The following MARK2 variants were observed in gnomAD, a reference collection of about 807,000 sequenced individuals.
MARK2 encodes the protein microtubule affinity regulating kinase 2, also known as serine/threonine-protein kinase MARK2.
A neutral mutation model predicts 89.8 loss-of-function variants in MARK2; 16 were observed. That is an observed-to-expected ratio of 0.18 (90% CI 0.12 to 0.27). MARK2 has a LOEUF of 0.27. MARK2 is among the 10% of genes least tolerant of loss of function. The probability of loss-of-function intolerance (pLI) is 1.00; values close to 1 mark genes in which losing one functional copy is unlikely to be tolerated. For synonymous variants in MARK2, 382 were observed against 399.5 expected, an observed-to-expected ratio of 0.96 and a Z score of 0.52; for missense variants, 621 against 1,049.9, an observed-to-expected ratio of 0.59 and a Z score of 5.65.
intron 1 of MARK2, among the ~76,000 whole-genome samples, chr11:63,851,382 T>C (rs925326859): frequency 8.5e-5 from 13 of 152,136 alleles, no homozygotes; most frequent in African/African-American, 3.1e-4. Flanking sequence ...GAGGATTGCT[T>C]GAGGCCAGCC....
In MARK2 at chr11:63,847,620, A is replaced by G. The variant is rs117508037; in HGVS notation, c.54+8060A>G. Among the ~76,000 whole-genome samples the G allele has an allele frequency of 1.1e-4, 16 of 152,288 alleles. No homozygotes were observed. The East Asian group carries it at 3.1e-3, about 29-fold the overall frequency. On this transcript the variant is annotated intron_variant, in intron 1 of 18. Coordinates refer to ENST00000402010, the MANE Select transcript of MARK2 (RefSeq NM_001039469.3). The stretch of plus-strand genomic sequence containing the variant: ...CGTTGAGGCGAAAGTTTGGAAGACA[A>G]CTATCTGTCAACAACCCCCTTCTCC...
rs754698750 is a variant in MARK2, at chr11:63,899,906, C to T, written c.564C>T (p.Asn188=). The change falls in exon 8 of 19, where the codon AAC becomes AAT. Residue 188 remains asparagine, a synonymous_variant. Coordinates refer to ENST00000402010, the MANE Select transcript of MARK2 (RefSeq NM_001039469.3). ...AENLLLDADM[N]IKIADFGFSN... The stretch of plus-strand genomic sequence containing the variant: ...ACCTGCTCTTGGATGCTGATATGAA[C>T]ATCAAGATTGCAGACTTTGGCTTCA... 10 of 1,613,968 alleles carry T rather than the reference C, an allele frequency of 6.2e-6. No homozygotes were observed. In the African/African-American group the frequency reaches 9.3e-5, roughly 15 times the overall value.
Position 63,898,261 on chromosome 11 carries a change from T to A in MARK2, c.318T>A (p.Val106=), listed in dbSNP as rs756159109. The A allele has an allele frequency of 6.2e-7, 1 of 1,614,072 alleles. No homozygotes were observed. Among genetic ancestry groups the A allele is most frequent in the African/African-American group, 1.3e-5 (1 of 75,052 alleles). ...TCCGCGAAGTAAGAATAATGAAGGT[T>A]TTGAATCATCCCAACATAGGTGAGC... ...KLFREVRIMK[V]LNHPNIVKLF... The change falls in exon 4 of 19, where the codon GTT becomes GTA. Residue 106 remains valine (V), a synonymous_variant. Coordinates refer to ENST00000402010, the MANE Select transcript of MARK2 (RefSeq NM_001039469.3).
chr11:63,854,346 C>T (rs888267876), intron 1 of MARK2, among the ~76,000 whole-genome samples: 13 of 150,390 alleles, frequency 8.6e-5, no homozygotes, highest in East Asian at 2.0e-4. Flanking sequence ...ACTACAGGTC[C>T]GCACCACCAC....
At chr11:63,849,784 G>C (rs2016473124) in intron 1 of MARK2, among the ~76,000 whole-genome samples, 2 of 152,134 alleles carry the variant, frequency 1.3e-5, no homozygotes, top group Non-Finnish European at 2.9e-5. Context: ...TTTGCGGCTA[G>C]ATTTCCTGTA....
intron 1 of MARK2, among the ~76,000 whole-genome samples, chr11:63,866,323 G>GC (rs1938127707): frequency 6.9e-6 from 1 of 145,240 alleles, no homozygotes; most frequent in Non-Finnish European, 1.5e-5. Flanking sequence ...CTTTACTCCA[G>GC]CCTGGGCAAT....
chr11:63,901,141 G>A, intron 11 of MARK2, 72 bp downstream of exon 11: 2 of 966,836 alleles, frequency 2.1e-6, no homozygotes, highest in Non-Finnish European at 3.3e-6. Flanking sequence ...TCTAACACCT[G>A]TTGAGGGCAG....
At chr11:63,858,954 G>A (rs1937604773) in intron 1 of MARK2, among the ~76,000 whole-genome samples, 1 of 152,202 alleles carries the variant, frequency 6.6e-6, no homozygotes, top group African/African-American at 2.4e-5. Flanking sequence ...GCCAAAGTTG[G>A]CTCATTTCCT....
chr11:63,906,065 C>A, intron 16 of MARK2, 23 bp from the exon 17 acceptor site: 1 of 1,333,386 alleles, frequency 7.5e-7, no homozygotes, highest in Non-Finnish European at 9.7e-7. Context: ...TTTATTTTGT[C>A]TTTTTTTTGT....
chr11:63,906,018 C>T, intron 16 of MARK2, 70 bp from the exon 17 acceptor site: 1 of 1,280,494 alleles, frequency 7.8e-7, no homozygotes. Context: ...CCTGCTTATC[C>T]ACATACCGTC....
chr11:63,854,217 T>TGTGTGTGTGA (rs1474907687), intron 1 of MARK2, among the ~76,000 whole-genome samples: 2 of 121,122 alleles, frequency 1.7e-5, no homozygotes, highest in Non-Finnish European at 3.5e-5. Context: ...TGTGTGTGTG[T>TGTGTGTGTGA]GTGACAAGGT....
At chr11:63,908,338 G>C (rs1038356530) in intron 18 of MARK2, 34 bp downstream of exon 18, 2 of 1,537,466 alleles carry the variant, frequency 1.3e-6, no homozygotes, top group Non-Finnish European at 1.8e-6. Flanking sequence ...GGCCCTGCCC[G>C]GGCCACCGGG....
At chr11:63,891,423 A>G (rs1018400068) in intron 1 of MARK2, among the ~76,000 whole-genome samples, 3 of 152,228 alleles carry the variant, frequency 2.0e-5, no homozygotes, top group African/African-American at 7.2e-5. Flanking sequence ...CCACTTGTGC[A>G]GCAGGGCCAG....
chr11:63,875,657 G>A (rs1048289870), intron 1 of MARK2, among the ~76,000 whole-genome samples: 1 of 152,296 alleles, frequency 6.6e-6, no homozygotes, highest in Non-Finnish European at 1.5e-5. Flanking sequence ...TCAGGAAACC[G>A]CCCTTGAGAT....
intron 1 of MARK2, among the ~76,000 whole-genome samples, chr11:63,874,773 C>T (rs938520162): frequency 2.6e-5 from 4 of 152,142 alleles, no homozygotes; most frequent in Admixed American, 2.0e-4. Flanking sequence ...TAACCAGCAT[C>T]AGCGTTAGAT....
intron 1 of MARK2, among the ~76,000 whole-genome samples, chr11:63,855,977 T>G (rs1277653105): frequency 6.6e-6 from 1 of 152,252 alleles, no homozygotes; most frequent in African/African-American, 2.4e-5. Context: ...AAAATTAGTT[T>G]CAATTTCTAA....
chr11:63,890,913 T>C (rs1590647960), intron 1 of MARK2, among the ~76,000 whole-genome samples: 1 of 152,378 alleles, frequency 6.6e-6, no homozygotes, highest in East Asian at 1.9e-4. Flanking sequence ...TCTGTTGGAC[T>C]GCAGAGTTCC....
At position 63,856,768 on chromosome 11, in the gene MARK2, G is replaced by GTTTTTTTTT. The variant is rs71039681; in HGVS notation, c.54+17237_54+17245dup. Among the ~76,000 whole-genome samples, 4 of 53,808 alleles carry GTTTTTTTTT rather than the reference G, an allele frequency of 7.4e-5. 1 individual carries two copies. The highest frequency in any genetic ancestry group is 1.3e-4 in the Non-Finnish European group (4 of 30,960). The allele number at this position is 53,808 out of a possible 152,430, so 35.3% of individuals were successfully genotyped here. A position where few individuals can be genotyped will look rare whatever the true frequency, so the allele number is the denominator to read the frequency against. ...TTTTTTCCATTTTTAAATTTTTCAT[G>GTTTTTTTTT]TTTTTTTTTTTTTTTTTTTTTTTTT... On this transcript the variant is annotated intron_variant, in intron 1 of 18. Transcript: ENST00000402010.
rs559229586 is a variant in MARK2 at position 63,903,824 on chromosome 11, G to A, written c.1515-162G>A. On this transcript the variant is annotated intron_variant, in intron 14 of 18. Coordinates refer to ENST00000402010, the MANE Select transcript of MARK2 (RefSeq NM_001039469.3). This position sits in a 1 kb window ranked among gnomAD's most constrained non-coding sequence, Gnocchi z 5.1. ...TCACTCACCTCCACTTCTCAGCCCC[G>A]CATTCCTCAGTTCTGACTTGCATCC... Among the ~76,000 whole-genome samples the A allele has an allele frequency of 5.3e-5, 8 of 151,628 alleles. No homozygotes were observed. The East Asian group carries it at 5.8e-4, about 11-fold the overall frequency.
Sources: allele counts gnomAD v4.1 joint callset (sites outside exome capture counted in the v4.1 genomes callset), GRCh38; gene constraint gnomAD v4.1.1; non-coding constraint Gnocchi (gnomAD v3.1); transcripts MANE v1.5; gene names NCBI Gene and HGNC (gene_info 2026-07-23, HGNC 2026-07-21).